The following MB21D2 variants were observed in gnomAD, a reference collection of about 807,000 sequenced individuals.
MB21D2 encodes Mab-21 domain containing 2.
A neutral mutation model predicts 33.3 loss-of-function variants in MB21D2; 9 were observed. That is an observed-to-expected ratio of 0.27 (90% CI 0.16 to 0.47). The LOEUF is 0.47. Among genes scored for constraint, MB21D2 ranks in the 20% least tolerant of loss-of-function variants. The pLI is 0.99. For missense variants in MB21D2, 540 were observed against 624.6 expected (o/e 0.86, Z 1.44); for synonymous variants, 241 against 236.3 (o/e 1.02, Z -0.18).
chr3:192,852,371 G>T (rs1325854172), intron 1 of MB21D2, among the ~76,000 whole-genome samples: 1 of 152,198 alleles, frequency 6.6e-6, no homozygotes, highest in African/African-American at 2.4e-5. Context: ...CAAAGCAGCA[G>T]GTTTTTGTTT....
At chr3:192,812,867 C>T (rs1372664183) in intron 1 of MB21D2, among the ~76,000 whole-genome samples, 2 of 106,552 alleles carry the variant, frequency 1.9e-5, no homozygotes, top group African/African-American at 7.6e-5. Flanking sequence ...TATTTTTTCC[C>T]TTGATGCATA....
At chr3:192,867,682 C>G (rs1448430864) in intron 1 of MB21D2, among the ~76,000 whole-genome samples, 3 of 152,202 alleles carry the variant, frequency 2.0e-5, no homozygotes, top group Non-Finnish European at 4.4e-5. Flanking sequence ...CTTTGACACT[C>G]TCCCATCAAG....
At chr3:192,840,967 T>C (rs1712558356) in intron 1 of MB21D2, among the ~76,000 whole-genome samples, 1 of 152,218 alleles carries the variant, frequency 6.6e-6, no homozygotes, top group South Asian at 2.1e-4. Context: ...ATACCATTTG[T>C]ATAGTGGACA....
intron 1 of MB21D2, among the ~76,000 whole-genome samples, chr3:192,809,127 C>T (rs1711731066): frequency 6.6e-6 from 1 of 152,008 alleles, no homozygotes; most frequent in Admixed American, 6.6e-5. Context: ...CATGGAGTCT[C>T]GCTCTGTCCC....
intron 1 of MB21D2, among the ~76,000 whole-genome samples, chr3:192,840,408 CTTTT>C (rs1175000486): frequency 4.2e-4 from 46 of 108,408 alleles, no homozygotes; most frequent in Non-Finnish European, 6.9e-4. Flanking sequence ...ACTTTTTTCT[CTTTT>C]TTCTTTTTTT....
intron 1 of MB21D2, among the ~76,000 whole-genome samples, chr3:192,886,991 G>C (rs150650332): frequency 6.9e-6 from 1 of 144,686 alleles, no homozygotes; most frequent in East Asian, 2.0e-4. Flanking sequence ...TTAAGGAAAG[G>C]AAAAAAAAAA....
intron 1 of MB21D2, among the ~76,000 whole-genome samples, chr3:192,894,672 C>T (rs1713926525): frequency 6.6e-6 from 1 of 152,144 alleles, no homozygotes; most frequent in South Asian, 2.1e-4. Context: ...ATTGGAGTTT[C>T]CACTTTATTG....
intron 1 of MB21D2, among the ~76,000 whole-genome samples, chr3:192,884,470 C>T (rs907845012): frequency 6.6e-6 from 1 of 151,798 alleles, no homozygotes; most frequent in Non-Finnish European, 1.5e-5. Flanking sequence ...GGGTTCACTC[C>T]ATTCTCCTGC....
rs754804880 is a variant in MB21D2 at position 192,798,597 on chromosome 3, T to A, written c.1265A>T (p.Asn422Ile). 6.2e-7 allele frequency: 1 copy of A among 1,614,078 alleles called. No homozygotes were observed. The change falls in exon 2 of 2, where the codon AAC (asparagine) becomes ATC (isoleucine). Residue 422 changes from asparagine (N) to isoleucine (I), a missense_variant. Coordinates refer to ENST00000392452, the MANE Select transcript of MB21D2 (RefSeq NM_178496.4). The surrounding 1 kb of genome is among the most constrained non-coding windows in gnomAD (Gnocchi z 4.8). ...CCTCTGGAGCTCCAGTGTCAGCCGGTTGGCTGCCTTGACATGCTCAATGGC... is the reference window on the plus strand; with the variant it reads ...CCTCTGGAGCTCCAGTGTCAGCCGGATGGCTGCCTTGACATGCTCAATGGC... ...RTAIEHVKAA[N>I]RLTLELQRRG...
chr3:192,874,582 G>T (rs546403275), intron 1 of MB21D2, among the ~76,000 whole-genome samples: 9 of 152,204 alleles, frequency 5.9e-5, no homozygotes, highest in Non-Finnish European at 1.0e-4. Flanking sequence ...CTGTCAAAAC[G>T]CCCTTAAAAA....
intron 1 of MB21D2, among the ~76,000 whole-genome samples, chr3:192,837,183 AG>A (rs1275795083): frequency 6.6e-6 from 1 of 152,172 alleles, no homozygotes; most frequent in Non-Finnish European, 1.5e-5. Flanking sequence ...GTTTCACCCT[AG>A]AAAGCCCACA....
chr3:192,848,228 A>G (rs1414711894), intron 1 of MB21D2, among the ~76,000 whole-genome samples: 1 of 152,236 alleles, frequency 6.6e-6, no homozygotes, highest in Non-Finnish European at 1.5e-5. Flanking sequence ...TTTTTCTTTC[A>G]GCCTGCCAGT....
At chr3:192,834,378 A>G in intron 1 of MB21D2, among the ~76,000 whole-genome samples, 1 of 151,480 alleles carries the variant, frequency 6.6e-6, no homozygotes, top group Admixed American at 6.6e-5. Context: ...TATGATGCAA[A>G]TAAGGACATG....
chr3:192,915,981 T>C lies in MB21D2; in HGVS notation c.211+1649A>G, dbSNP rs76518607. ...GAAAGGCTATGATTAACTAAACAACTTAAGTAACTGCGCTCAGCCTTCTGT... is the reference window on the plus strand; with the variant it reads ...GAAAGGCTATGATTAACTAAACAACCTAAGTAACTGCGCTCAGCCTTCTGT... On this transcript the variant is annotated intron_variant, in intron 1 of 1. Coordinates refer to ENST00000392452, the MANE Select transcript of MB21D2 (RefSeq NM_178496.4). 3.5e-4 allele frequency among the ~76,000 whole-genome samples: 54 copies of C among 152,182 alleles called. 1 individual carries two copies. In the East Asian group the frequency reaches 8.9e-3, roughly 25 times the overall value.
intron 1 of MB21D2, among the ~76,000 whole-genome samples, chr3:192,850,404 C>T (rs972764890): frequency 1.3e-5 from 2 of 152,328 alleles, no homozygotes; most frequent in African/African-American, 2.4e-5. Flanking sequence ...GGCCACTGCA[C>T]GGTCTCTGCA....
intron 1 of MB21D2, among the ~76,000 whole-genome samples, chr3:192,878,982 GA>G (rs1713502409): frequency 6.6e-6 from 1 of 152,042 alleles, no homozygotes; most frequent in African/African-American, 2.4e-5. Flanking sequence ...AGAAGAAGAA[GA>G]AAAAAGAATC....
intron 1 of MB21D2, among the ~76,000 whole-genome samples, chr3:192,815,453 A>G (rs1711900312): frequency 6.6e-6 from 1 of 152,212 alleles, no homozygotes; most frequent in Admixed American, 6.5e-5. Flanking sequence ...CCAAGGAGAC[A>G]TGTGTTTAGC....
chr3:192,820,172 G>A (rs760382619), intron 1 of MB21D2, among the ~76,000 whole-genome samples: 4 of 152,132 alleles, frequency 2.6e-5, no homozygotes, highest in African/African-American at 7.2e-5. Flanking sequence ...GCAAGTCAGA[G>A]CTAAGATGTA....
intron 1 of MB21D2, among the ~76,000 whole-genome samples, chr3:192,822,946 T>C (rs1712092446): frequency 6.6e-6 from 1 of 152,200 alleles, no homozygotes; most frequent in South Asian, 2.1e-4. Flanking sequence ...CGTGTAAACC[T>C]ATATCCTTAC....
Sources: allele counts gnomAD v4.1 joint callset (sites outside exome capture counted in the v4.1 genomes callset), GRCh38; gene constraint gnomAD v4.1.1; non-coding constraint Gnocchi (gnomAD v3.1); transcripts MANE v1.5; gene names NCBI Gene and HGNC (gene_info 2026-07-23, HGNC 2026-07-21).